Variants in NLGN1 observed in about 807,000 individuals in gnomAD.
NLGN1 encodes neuroligin-1.
NLGN1 carries 12 observed loss-of-function variants against 65.5 expected under a neutral mutation model. The observed-to-expected ratio is 0.18, with a 90% CI of 0.12 to 0.30. The LOEUF (loss-of-function observed/expected upper bound fraction) is 0.30, where lower values mean the gene tolerates loss of function less well. Ranked by LOEUF, NLGN1 falls within the 10% of genes least tolerant of loss-of-function variation. The pLI, the probability that NLGN1 is intolerant of heterozygous loss-of-function variation, is 1.00. For synonymous variants in NLGN1, 350 were observed against 359.5 expected, an observed-to-expected ratio of 0.97 and a Z score of 0.30; for missense variants, 750 against 1,007.1, an observed-to-expected ratio of 0.74 and a Z score of 3.46.
chr3:173,426,856 A>C (rs1716203047), intron 1 of NLGN1, among the ~76,000 whole-genome samples: 1 of 152,022 alleles, frequency 6.6e-6, no homozygotes, highest in Admixed American at 6.6e-5. Context: ...AGTTTGAAAG[A>C]GTTCTTTCCT....
chr3:173,713,051 A>G (rs924268951), intron 3 of NLGN1, among the ~76,000 whole-genome samples: 6 of 152,164 alleles, frequency 3.9e-5, no homozygotes, highest in Admixed American at 2.0e-4. Flanking sequence ...CAATACAGTT[A>G]ACTCATGATT....
chr3:173,835,246 A>G (rs533368599), intron 4 of NLGN1, among the ~76,000 whole-genome samples: 2 of 152,218 alleles, frequency 1.3e-5, no homozygotes, highest in Admixed American at 6.5e-5. Context: ...CTGGACTTTG[A>G]TATATCGTGG....
chr3:173,645,427 CTT>C lies in NLGN1; in HGVS notation c.493+40338_493+40339del, dbSNP rs1397375672. ...TGCAGGCTTTCCTCCACTATTCCCA[CTT>C]TATCTCTTTTAGCACCACTATTCCT... is the stretch of plus-strand genomic sequence containing the variant. On this transcript the variant is annotated intron_variant, in intron 3 of 6. Coordinates refer to ENST00000457714, the Ensembl canonical transcript of NLGN1. Among the ~76,000 whole-genome samples the C allele has an allele frequency of 5.3e-5, 8 of 152,322 alleles. No individual in the cohort carries two copies. The East Asian group carries it at 1.6e-3, about 30-fold the overall frequency.
chr3:173,448,679 A>G (rs1015042592), intron 2 of NLGN1, among the ~76,000 whole-genome samples: 4 of 152,148 alleles, frequency 2.6e-5, no homozygotes, highest in Non-Finnish European at 4.4e-5. Context: ...TTGGCTGTGA[A>G]TCCATCTGGT....
intron 4 of NLGN1, among the ~76,000 whole-genome samples, chr3:173,884,943 A>T (rs1451865683): frequency 1.3e-5 from 2 of 152,114 alleles, no homozygotes; most frequent in Non-Finnish European, 2.9e-5. Context: ...ACAGAGAGGT[A>T]AAGAAGGGAC....
chr3:173,951,408 T>C (rs892990430), intron 4 of NLGN1, among the ~76,000 whole-genome samples: 3 of 152,082 alleles, frequency 2.0e-5, no homozygotes, highest in Non-Finnish European at 4.4e-5. Flanking sequence ...GTCTACCTTA[T>C]ATCTTCTTTT....
chr3:174,026,421 T>C (rs191477299), intron 4 of NLGN1, among the ~76,000 whole-genome samples: 85 of 152,284 alleles, frequency 5.6e-4, no homozygotes, highest in African/African-American at 2.0e-3. Context: ...CCACCACACC[T>C]GGCCTACATG....
At chr3:173,846,398 T>G (rs1476736179) in intron 4 of NLGN1, among the ~76,000 whole-genome samples, 1 of 152,136 alleles carries the variant, frequency 6.6e-6, no homozygotes, top group Non-Finnish European at 1.5e-5. Context: ...AGGGACATAC[T>G]CCCATGTGGG....
intron 2 of NLGN1, among the ~76,000 whole-genome samples, chr3:173,602,936 C>T (rs1750778701): frequency 6.6e-6 from 1 of 152,028 alleles, no homozygotes; most frequent in South Asian, 2.1e-4. Context: ...GCTTTCACAG[C>T]AAAGGTATGT....
intron 4 of NLGN1, among the ~76,000 whole-genome samples, chr3:173,888,745 AT>A (rs145260610): frequency 0.011 from 1,713 of 152,168 alleles, 26 homozygotes; most frequent in African/African-American, 0.038. Flanking sequence ...TCCTAACATT[AT>A]GTATTTACAT....
At chr3:174,120,081 C>T (rs1162669222) in intron 4 of NLGN1, among the ~76,000 whole-genome samples, 4 of 151,986 alleles carry the variant, frequency 2.6e-5, no homozygotes, top group Non-Finnish European at 5.9e-5. Flanking sequence ...CCAAATATCA[C>T]AAAAATATAG....
chr3:173,449,113 T>G (rs1194000383), intron 2 of NLGN1, among the ~76,000 whole-genome samples: 1 of 152,134 alleles, frequency 6.6e-6, no homozygotes, highest in African/African-American at 2.4e-5. Context: ...AGCTTTTGAA[T>G]GTGTTTGCTC....
chr3:173,719,061 A>G (rs1770363567), intron 3 of NLGN1, among the ~76,000 whole-genome samples: 1 of 152,180 alleles, frequency 6.6e-6, no homozygotes, highest in East Asian at 1.9e-4. Context: ...GGCACCATTC[A>G]TGTTGTTCAG....
intron 4 of NLGN1, among the ~76,000 whole-genome samples, chr3:173,958,876 G>T (rs1712814047): frequency 6.6e-6 from 1 of 152,204 alleles, no homozygotes; most frequent in African/African-American, 2.4e-5. Flanking sequence ...AGTCTGGAGG[G>T]GGCCTAGGCA....
chr3:173,929,354 G>A (rs186206965), intron 4 of NLGN1, among the ~76,000 whole-genome samples: 172 of 152,162 alleles, frequency 1.1e-3, no homozygotes, highest in Non-Finnish European at 2.0e-3. Context: ...TTGCATTCTT[G>A]CATCTTTTTT....
At chr3:173,697,206 A>G (rs905868954) in intron 3 of NLGN1, among the ~76,000 whole-genome samples, 2 of 152,246 alleles carry the variant, frequency 1.3e-5, no homozygotes, top group African/African-American at 2.4e-5. Flanking sequence ...ATAGATACTC[A>G]TAAAACAACC....
intron 1 of NLGN1, among the ~76,000 whole-genome samples, chr3:173,401,531 C>T (rs1162901983): frequency 2.0e-5 from 3 of 151,002 alleles, no homozygotes; most frequent in African/African-American, 7.3e-5. Flanking sequence ...CAAGGCTTCT[C>T]TGAGCATTGT....
intron 4 of NLGN1, among the ~76,000 whole-genome samples, chr3:174,003,604 T>C (rs1035403944): frequency 6.6e-6 from 1 of 152,212 alleles, no homozygotes; most frequent in Non-Finnish European, 1.5e-5. Flanking sequence ...TATATTTTTC[T>C]ACAAGAATAA....
chr3:174,126,839 A>C (rs1435186459), intron 4 of NLGN1, among the ~76,000 whole-genome samples: 1 of 152,122 alleles, frequency 6.6e-6, no homozygotes, highest in African/African-American at 2.4e-5. Context: ...AAAATAAATA[A>C]ATAAATTTGT....
Sources: allele counts gnomAD v4.1 joint callset (sites outside exome capture counted in the v4.1 genomes callset), GRCh38; gene constraint gnomAD v4.1.1; transcripts MANE v1.5; gene names NCBI Gene and HGNC (gene_info 2026-07-23, HGNC 2026-07-21).